Variants in PTPN21 observed in about 807,000 individuals in gnomAD.
PTPN21 encodes tyrosine-protein phosphatase non-receptor type 21.
A neutral mutation model predicts 131.8 loss-of-function variants in PTPN21; 77 were observed. That is an observed-to-expected ratio of 0.58 (90% CI 0.49 to 0.71). The LOEUF (loss-of-function observed/expected upper bound fraction) is 0.71. PTPN21 is among the 30% of genes least tolerant of loss of function. PTPN21 has a pLI of 0.00. For missense variants in PTPN21, 1,552 were observed against 1,527.1 expected (o/e 1.02, Z -0.27); for synonymous variants, 715 against 621.3 (o/e 1.15, Z -2.24).
At chr14:88,487,181 T>C (rs1424480257) in intron 10 of PTPN21, among the ~76,000 whole-genome samples, 1 of 152,056 alleles carries the variant, frequency 6.6e-6, no homozygotes, top group Non-Finnish European at 1.5e-5. Context: ...TTCTGTGTGG[T>C]CAGTTTTACT....
chr14:88,546,527 G>A (rs1298161389), intron 2 of PTPN21, among the ~76,000 whole-genome samples: 1 of 145,776 alleles, frequency 6.9e-6, no homozygotes, highest in African/African-American at 2.6e-5. Context: ...AGTGAACCGA[G>A]ATCGCGCCAT....
At chr14:88,490,505 C>T (rs1256640012) in intron 10 of PTPN21, among the ~76,000 whole-genome samples, 1 of 152,176 alleles carries the variant, frequency 6.6e-6, no homozygotes, top group Non-Finnish European at 1.5e-5. Flanking sequence ...TCCATGGGAA[C>T]TACTGGGTCC....
At chr14:88,512,837 T>C (rs1411479459) in intron 3 of PTPN21, among the ~76,000 whole-genome samples, 1 of 152,206 alleles carries the variant, frequency 6.6e-6, no homozygotes, top group Non-Finnish European at 1.5e-5. Flanking sequence ...TTTAGTCATT[T>C]TCATCAGTGG....
chr14:88,511,167 C>T (rs770610623), intron 3 of PTPN21, among the ~76,000 whole-genome samples: 1 of 152,140 alleles, frequency 6.6e-6, no homozygotes, highest in Non-Finnish European at 1.5e-5. Context: ...CCTCCCACTT[C>T]GGCCATCCAA....
chr14:88,523,709 C>CA (rs1288784524), intron 2 of PTPN21, among the ~76,000 whole-genome samples: 2 of 135,312 alleles, frequency 1.5e-5, no homozygotes, highest in Non-Finnish European at 3.2e-5. Context: ...ATCCACCCCC[C>CA]AACCGTGACA....
At chr14:88,482,952 C>T (rs556611383) in intron 12 of PTPN21, among the ~76,000 whole-genome samples, 6 of 152,052 alleles carry the variant, frequency 3.9e-5, no homozygotes, top group Admixed American at 2.6e-4. Flanking sequence ...CAGTGGCTCA[C>T]ACCTGTAATC....
chr14:88,518,875 A>C (rs1401531092), intron 2 of PTPN21, among the ~76,000 whole-genome samples: 1 of 152,096 alleles, frequency 6.6e-6, no homozygotes, highest in African/African-American at 2.4e-5. Context: ...TCTAGTATTC[A>C]GATGCAATTC....
intron 2 of PTPN21, among the ~76,000 whole-genome samples, chr14:88,532,445 C>G (rs76355484): frequency 2.0e-5 from 3 of 152,106 alleles, no homozygotes; most frequent in Admixed American, 1.3e-4. Flanking sequence ...TCTATACTTA[C>G]GTCAAGATTT....
rs896614371 is a variant in PTPN21 at position 88,504,829 on chromosome 14, A to T, written c.517-334T>A. On this transcript the variant is annotated intron_variant, in intron 5 of 18. Coordinates refer to ENST00000556564, the MANE Select transcript of PTPN21 (RefSeq NM_007039.4). ...CTGGCACTGTGTAGACACTCAGAAC[A>T]GCATACCACACCTTCCTTAGTTGTT... Among the ~76,000 whole-genome samples, 3 of 152,228 alleles carry T rather than the reference A, an allele frequency of 2.0e-5. No individual in the cohort carries two copies. The East Asian group carries it at 5.8e-4, about 29-fold the overall frequency.
chr14:88,494,036 A>G (rs2077866273), intron 10 of PTPN21, among the ~76,000 whole-genome samples: 1 of 152,174 alleles, frequency 6.6e-6, no homozygotes, highest in Admixed American at 6.5e-5. Context: ...GCAAACAAAC[A>G]AACAAACAAA....
chr14:88,504,562 A>T (rs2078059828), intron 5 of PTPN21, 67 bp from the exon 6 acceptor site: 2 of 1,324,086 alleles, frequency 1.5e-6, no homozygotes, highest in Non-Finnish European at 2.2e-6. Context: ...AATCATGGCC[A>T]TTGACTGTTA....
rs1174053515 is a variant in PTPN21 at position 88,467,703 on chromosome 14, G to A, written c.*434C>T. On this transcript the variant is annotated 3_prime_UTR_variant, in exon 19 of 19. Transcript: ENST00000556564. ...TATCTGTGGATCATCCTTACACAAAGTTGTTTCTCACTAGAAAAATCCCTA... is the reference window on the plus strand; with the variant it reads ...TATCTGTGGATCATCCTTACACAAAATTGTTTCTCACTAGAAAAATCCCTA... The A allele has an allele frequency of 5.7e-6, 1 of 175,076 alleles. No homozygotes were observed. Among genetic ancestry groups the A allele is most frequent in the Non-Finnish European group, 1.2e-5 (1 of 84,146 alleles). The allele number at this position is 175,076 out of a possible 1,614,324, so 10.8% of individuals were successfully genotyped here.
rs76393488 is a variant in PTPN21 at position 88,505,224 on chromosome 14, C to A, written c.516+80G>T. On this transcript the variant is annotated intron_variant, in intron 5 of 18. Coordinates refer to ENST00000556564, the MANE Select transcript of PTPN21 (RefSeq NM_007039.4). ...TATTCCTGACAGTAAGTCTATCATA[C>A]GGATTTCATTTCAGGGATTATTAAG... is the stretch of plus-strand genomic sequence containing the variant. The A allele has an allele frequency of 3.0e-3, 3,507 of 1,162,932 alleles. 77 individuals are homozygous for A. In the African/African-American group the frequency reaches 0.045, roughly 15 times the overall value. 72.0% of individuals were successfully genotyped at this position (1,162,932 alleles called of 1,614,324 possible).
At chr14:88,493,454 AG>A (rs1292153589) in intron 10 of PTPN21, among the ~76,000 whole-genome samples, 1 of 152,228 alleles carries the variant, frequency 6.6e-6, no homozygotes. Context: ...GCCTTCCTGG[AG>A]TCAGACTCCA....
chr14:88,486,459 T>C (rs1221321982), intron 10 of PTPN21, among the ~76,000 whole-genome samples: 1 of 152,098 alleles, frequency 6.6e-6, no homozygotes, highest in Non-Finnish European at 1.5e-5. Context: ...CTTGGGAGCA[T>C]CTTGGGCCCA....
chr14:88,522,174 C>T (rs1403412792), intron 2 of PTPN21, among the ~76,000 whole-genome samples: 5 of 151,550 alleles, frequency 3.3e-5, no homozygotes, highest in Non-Finnish European at 7.4e-5. Flanking sequence ...TGCCTGTAAT[C>T]CCAGCACTTT....
chr14:88,479,273 C>T lies in PTPN21; in HGVS notation c.2158G>A (p.Glu720Lys), dbSNP rs777743065. 17 of 1,612,778 alleles carry T rather than the reference C, an allele frequency of 1.1e-5. No individual in the cohort carries two copies. Among genetic ancestry groups the T allele is most frequent in the Middle Eastern group, 3.3e-4 (2 of 6,072 alleles). The change falls in exon 13 of 19, where the codon GAG becomes AAG. Residue 720 changes from glutamate (E) to lysine (K), a missense_variant. By Grantham distance (56) the Glu-to-Lys change is moderately conservative (BLOSUM62 1). Transcript: ENST00000556564. The part of the protein sequence containing the change: ...SSEEEEDEDF[E>K]EESGARAPPA... ...GGCGCCCGGGCCCCGCTCTCCTCCT[C>T]GAAGTCCTCGTCCTCCTCCTCCTCG... is the stretch of plus-strand genomic sequence containing the variant.
chr14:88,548,653 G>C (rs2078817271), intron 2 of PTPN21, among the ~76,000 whole-genome samples: 1 of 152,156 alleles, frequency 6.6e-6, no homozygotes, highest in East Asian at 1.9e-4. Flanking sequence ...TCATATAAGT[G>C]ATTGGATGGT....
Position 88,505,296 on chromosome 14 carries a change from A to T in PTPN21, c.516+8T>A. The T allele has an allele frequency of 6.3e-7, 1 of 1,586,824 alleles. No homozygotes were observed. Among genetic ancestry groups the T allele is most frequent in the Non-Finnish European group, 8.6e-7 (1 of 1,156,956 alleles). ...TTTTAAAAGGCCCAGTGTCAAAAGAAGTCTTACCACAGGAAACAAGGCAAA... is the reference window on the plus strand; with the variant it reads ...TTTTAAAAGGCCCAGTGTCAAAAGATGTCTTACCACAGGAAACAAGGCAAA... On this transcript the variant is annotated splice_region_variant and intron_variant, in intron 5 of 18. Coordinates refer to ENST00000556564, the MANE Select transcript of PTPN21 (RefSeq NM_007039.4).
Sources: gnomAD v4.1 joint callset for allele counts (sites outside exome capture counted in the v4.1 genomes callset) on GRCh38, gnomAD v4.1.1 for gene constraint, MANE v1.5 for transcripts, NCBI Gene and HGNC (gene_info 2026-07-23, HGNC 2026-07-21) for gene names.